The following SDHAF4 variants were observed in gnomAD, a reference collection of about 807,000 sequenced individuals.
The protein encoded by SDHAF4 is succinate dehydrogenase assembly factor 4, mitochondrial.
In SDHAF4, 14 loss-of-function variants were observed where a neutral mutation model predicts 14.3. That is an observed-to-expected ratio of 0.98 (90% confidence interval 0.65 to 1.53). SDHAF4 has a LOEUF of 1.53. Among genes scored for constraint, SDHAF4 ranks in the 40% most tolerant of loss-of-function variants. The pLI is 0.00. For synonymous variants in SDHAF4, 63 were observed against 47.3 expected, an observed-to-expected ratio of 1.33 and a Z score of -1.36; for missense variants, 141 against 129.3, an observed-to-expected ratio of 1.09 and a Z score of -0.44.
At chr6:70,594,850 T>G in the SDHAF4 span, among the ~76,000 whole-genome samples, 53 of 151,312 alleles carry the variant, frequency 3.5e-4, 1 homozygote, top group Admixed American at 3.3e-3. Context: ...AGGCGGAGGT[T>G]GCAGTGAGCC....
At chr6:70,594,139 T>C (rs778742485), downstream of SDHAF4, among the ~76,000 whole-genome samples, 1 of 152,244 alleles carries the variant, frequency 6.6e-6, no homozygotes, top group East Asian at 1.9e-4. Context: ...AGTAGATAAA[T>C]TGTTTTCGCA....
chr6:70,595,663 C>T, the SDHAF4 span, among the ~76,000 whole-genome samples: 1 of 152,036 alleles, frequency 6.6e-6, no homozygotes, highest in African/African-American at 2.4e-5. Context: ...AGGTGGATCA[C>T]CTGAGGTCAG....
chr6:70,584,266 C>T (rs1436814857), intron 2 of SDHAF4, among the ~76,000 whole-genome samples: 2 of 152,174 alleles, frequency 1.3e-5, no homozygotes, highest in East Asian at 1.9e-4. Flanking sequence ...CCGCTCGCCT[C>T]GGCCTCCCAC....
At chr6:70,577,023 C>T (rs552589262) in intron 1 of SDHAF4, among the ~76,000 whole-genome samples, 1 of 152,130 alleles carries the variant, frequency 6.6e-6, no homozygotes, top group East Asian at 1.9e-4. Flanking sequence ...AGGCCACATA[C>T]ATTTCCTTCT....
At chr6:70,577,929 C>T (rs1379002070) in intron 1 of SDHAF4, among the ~76,000 whole-genome samples, 2 of 152,182 alleles carry the variant, frequency 1.3e-5, no homozygotes, top group African/African-American at 4.8e-5. Flanking sequence ...GCATAGTATT[C>T]CATGGTATAT....
the SDHAF4 span, among the ~76,000 whole-genome samples, chr6:70,595,163 C>T: frequency 6.6e-6 from 1 of 152,150 alleles, no homozygotes; most frequent in Non-Finnish European, 1.5e-5. Flanking sequence ...CTGGGCTCCC[C>T]TAAGGTATCC....
chr6:70,594,954 T>A, the SDHAF4 span, among the ~76,000 whole-genome samples: 1 of 152,116 alleles, frequency 6.6e-6, no homozygotes, highest in East Asian at 1.9e-4. Flanking sequence ...TTACCTAGTT[T>A]CAGCTATTCT....
chr6:70,596,744 G>A, the SDHAF4 span: 1 of 150,468 alleles, frequency 6.6e-6, no homozygotes, highest in Non-Finnish European at 1.5e-5. Context: ...ATTGAATTAT[G>A]TCTACTAGGT....
downstream of SDHAF4, among the ~76,000 whole-genome samples, chr6:70,591,058 G>A (rs981043576): frequency 6.6e-6 from 1 of 152,164 alleles, no homozygotes; most frequent in Non-Finnish European, 1.5e-5. Context: ...GGCCTTCAGT[G>A]TATTAGATAA....
At chr6:70,575,261 C>T (rs569981739) in intron 1 of SDHAF4, among the ~76,000 whole-genome samples, 1 of 152,128 alleles carries the variant, frequency 6.6e-6, no homozygotes, top group South Asian at 2.1e-4. Context: ...GCCTGTAATC[C>T]CATCTACTCG....
At chr6:70,569,253 C>T (rs554798918) in intron 1 of SDHAF4, among the ~76,000 whole-genome samples, 169 of 151,890 alleles carry the variant, frequency 1.1e-3, no homozygotes, top group African/African-American at 3.8e-3. Context: ...CGTGAGCCAC[C>T]GCACCCGGCC....
Position 70,568,053 on chromosome 6 carries a change from T to G in SDHAF4, c.64+1049T>G, listed in dbSNP as rs774766189. Reference sequence around the variant, plus strand: ...AAGTTGAAAACAGTAATTATTGCCCTCAAATGGTGCCAGATTTCTATGCAA... The same window carrying G: ...AAGTTGAAAACAGTAATTATTGCCCGCAAATGGTGCCAGATTTCTATGCAA... On this transcript the variant is annotated intron_variant, in intron 1 of 2. Coordinates refer to ENST00000370474, the MANE Select transcript of SDHAF4 (RefSeq NM_145267.3). Among the ~76,000 whole-genome samples the G allele has an allele frequency of 1.1e-4, 17 of 152,344 alleles. No homozygotes were observed. The South Asian group carries it at 2.5e-3, about 22-fold the overall frequency.
the SDHAF4 span, among the ~76,000 whole-genome samples, chr6:70,596,248 A>G: frequency 1.4e-4 from 22 of 152,294 alleles, no homozygotes; most frequent in Non-Finnish European, 1.5e-5. Context: ...GGGATCTACC[A>G]CTGTATTCCT....
intron 2 of SDHAF4, among the ~76,000 whole-genome samples, chr6:70,583,107 G>A (rs1179181854): frequency 6.6e-6 from 1 of 152,036 alleles, no homozygotes; most frequent in Non-Finnish European, 1.5e-5. Flanking sequence ...TGGGGTCTAA[G>A]GAAAAATAAT....
Position 70,567,091 on chromosome 6 carries a change from C to T in SDHAF4, c.64+87C>T, listed in dbSNP as rs113327654. The T allele has an allele frequency of 8.9e-4, 1,184 of 1,333,814 alleles. 9 individuals carry two copies. The African/African-American group carries it at 0.013, about 15-fold the overall frequency. The allele number at this position is 1,333,814 out of a possible 1,614,324, so 82.6% of individuals were successfully genotyped here. A position where few individuals can be genotyped will look rare whatever the true frequency, so the allele number is the denominator to read the frequency against. Reference sequence around the variant, plus strand: ...GAAGCGCCTCCCGCGGAGGAAGCCGCGTGTGTCCTGGCCGTTCGGTGTTGC... The same window carrying T: ...GAAGCGCCTCCCGCGGAGGAAGCCGTGTGTGTCCTGGCCGTTCGGTGTTGC... On this transcript the variant is annotated intron_variant, in intron 1 of 2. Coordinates refer to ENST00000370474, the MANE Select transcript of SDHAF4 (RefSeq NM_145267.3).
At chr6:70,593,684 GT>G (rs68046686), downstream of SDHAF4, among the ~76,000 whole-genome samples, 4 of 123,140 alleles carry the variant, frequency 3.2e-5, no homozygotes, top group Admixed American at 1.5e-4. Flanking sequence ...AGCTTCAAGG[GT>G]TTTTTTTTGT....
chr6:70,582,301 A>G (rs1343138557), intron 2 of SDHAF4, among the ~76,000 whole-genome samples: 1 of 151,962 alleles, frequency 6.6e-6, no homozygotes, highest in Non-Finnish European at 1.5e-5. Context: ...CTGGGCTCAA[A>G]CGATCTTCCC....
chr6:70,582,350 C>T (rs1274221581), intron 2 of SDHAF4, among the ~76,000 whole-genome samples: 1 of 152,164 alleles, frequency 6.6e-6, no homozygotes, highest in Non-Finnish European at 1.5e-5. Flanking sequence ...CAGGCATGAG[C>T]CACCACGCCC....
intron 2 of SDHAF4, among the ~76,000 whole-genome samples, chr6:70,588,277 T>C (rs1325042058): frequency 6.6e-6 from 1 of 152,192 alleles, no homozygotes; most frequent in African/African-American, 2.4e-5. Flanking sequence ...TCCCAGCACT[T>C]TGGGAGGCCG....
Sources: gnomAD v4.1 joint callset for allele counts (sites outside exome capture counted in the v4.1 genomes callset) on GRCh38, gnomAD v4.1.1 for gene constraint, MANE v1.5 for transcripts, NCBI Gene and HGNC (gene_info 2026-07-23, HGNC 2026-07-21) for gene names.